The following CNTN5 variants were observed in gnomAD, a reference collection of about 807,000 sequenced individuals.
The protein encoded by CNTN5 is contactin 5.
A neutral mutation model predicts 129.1 loss-of-function variants in CNTN5; 77 were observed. The ratio of observed to expected loss-of-function variants is 0.60; its 90% CI spans 0.50 to 0.72. CNTN5 has a LOEUF of 0.72. Ranked by LOEUF, CNTN5 falls within the 30% of genes least tolerant of loss-of-function variation. The pLI is 0.00. For synonymous variants in CNTN5, 509 were observed against 465.6 expected (o/e 1.09, Z -1.20); for missense variants, 1,478 against 1,328.8 (o/e 1.11, Z -1.75).
intron 1 of CNTN5, among the ~76,000 whole-genome samples, chr11:99,036,510 T>C (rs1863742099): frequency 6.6e-6 from 1 of 152,194 alleles, no homozygotes; most frequent in African/African-American, 2.4e-5. Context: ...CCTAAAATTA[T>C]CTATCAATTT....
chr11:99,526,561 C>A (rs912069193), intron 2 of CNTN5, among the ~76,000 whole-genome samples: 1 of 152,142 alleles, frequency 6.6e-6, no homozygotes, highest in African/African-American at 2.4e-5. Flanking sequence ...GCAAATCTTC[C>A]TAGGTTGGAG....
intron 6 of CNTN5, among the ~76,000 whole-genome samples, chr11:99,866,399 T>C (rs1388656428): frequency 3.9e-5 from 6 of 152,206 alleles, no homozygotes; most frequent in Admixed American, 1.3e-4. Context: ...TGGAACATTA[T>C]TAGATACTTA....
At chr11:99,974,338 T>C (rs1159482265) in intron 8 of CNTN5, among the ~76,000 whole-genome samples, 1 of 152,184 alleles carries the variant, frequency 6.6e-6, no homozygotes, top group African/African-American at 2.4e-5. Flanking sequence ...CACAAGGTCA[T>C]AGTTGGTGAG....
At chr11:99,163,033 C>A (rs903704542) in intron 1 of CNTN5, among the ~76,000 whole-genome samples, 1 of 152,138 alleles carries the variant, frequency 6.6e-6, no homozygotes, top group Non-Finnish European at 1.5e-5. Context: ...ACCGAAGTTG[C>A]CTTTTCAGAA....
rs934601314 is a variant in CNTN5, at chr11:100,355,413, C to G, written c.3200-704C>G. Among the ~76,000 whole-genome samples the G allele has an allele frequency of 4.0e-5, 6 of 151,758 alleles. No individual in the cohort carries two copies. In the South Asian group the frequency reaches 1.2e-3, roughly 31 times the overall value. On this transcript the variant is annotated intron_variant, in intron 24 of 24. Coordinates refer to ENST00000524871, the MANE Select transcript of CNTN5 (RefSeq NM_014361.4). Reference sequence around the variant, plus strand: ...TCTGGAAGCCCTTCTGAAGGACATGCCTGAAGTTGTTTTACAGTTAACTGT... The same window carrying G: ...TCTGGAAGCCCTTCTGAAGGACATGGCTGAAGTTGTTTTACAGTTAACTGT...
intron 1 of CNTN5, among the ~76,000 whole-genome samples, chr11:99,276,001 C>T (rs73000250): frequency 0.14 from 20,933 of 151,570 alleles, 1,573 homozygotes; most frequent in South Asian, 0.24. Context: ...CTCTTCTCTG[C>T]CCCACTCTTT....
chr11:99,065,476 T>C, intron 1 of CNTN5, among the ~76,000 whole-genome samples: 1 of 152,174 alleles, frequency 6.6e-6, no homozygotes, highest in East Asian at 1.9e-4. Context: ...AAACCATCAA[T>C]AAATTGTAGA....
At chr11:99,987,882 G>A (rs956603034) in intron 8 of CNTN5, among the ~76,000 whole-genome samples, 6 of 152,108 alleles carry the variant, frequency 3.9e-5, no homozygotes, top group South Asian at 4.2e-4. Context: ...AGGGACTATC[G>A]TATCTACCTT....
rs186253122 is a variant in CNTN5 at position 99,902,555 on chromosome 11, G to A, written c.578-13499G>A. 5.6e-3 allele frequency among the ~76,000 whole-genome samples: 853 copies of A among 152,160 alleles called. 4 individuals are homozygous for A. The highest frequency in any genetic ancestry group is 7.9e-3 in the Non-Finnish European group (538 of 68,000). ...TCTGGAACTGTTTTCTTACACTTCA[G>A]TGCAAAAGAGCTAGAGCAACAACAA... On this transcript the variant is annotated intron_variant, in intron 6 of 24. Transcript: ENST00000524871.
intron 15 of CNTN5, 77 bp downstream of exon 15, chr11:100,193,740 T>C: frequency 8.0e-7 from 1 of 1,242,780 alleles, no homozygotes; most frequent in Non-Finnish European, 1.1e-6. Context: ...CTTGCTTAGC[T>C]ATGAAGTGCT....
intron 6 of CNTN5, among the ~76,000 whole-genome samples, chr11:99,892,564 C>A (rs1338895004): frequency 6.6e-6 from 1 of 152,148 alleles, no homozygotes; most frequent in African/African-American, 2.4e-5. Flanking sequence ...GTTTTCCCAA[C>A]ACATTTTTTA....
chr11:99,848,493 TA>T (rs1353833829), intron 6 of CNTN5, among the ~76,000 whole-genome samples: 5 of 152,168 alleles, frequency 3.3e-5, no homozygotes, highest in Non-Finnish European at 7.4e-5. Context: ...AGATAATGAT[TA>T]AAGCATATTT....
intron 2 of CNTN5, among the ~76,000 whole-genome samples, chr11:99,446,190 C>G (rs1944064208): frequency 6.6e-6 from 1 of 151,492 alleles, no homozygotes; most frequent in African/African-American, 2.4e-5. Flanking sequence ...CTCTGCCTCT[C>G]AGATTGCTCT....
At chr11:99,170,335 C>A (rs764109409) in intron 1 of CNTN5, among the ~76,000 whole-genome samples, 1 of 152,118 alleles carries the variant, frequency 6.6e-6, no homozygotes, top group Non-Finnish European at 1.5e-5. Context: ...AGGTCGCAGT[C>A]AGATGTGTAC....
chr11:99,701,241 T>C (rs1954505916), intron 3 of CNTN5, among the ~76,000 whole-genome samples: 1 of 151,092 alleles, frequency 6.6e-6, no homozygotes, highest in South Asian at 2.1e-4. Flanking sequence ...CATAAGGAAA[T>C]AGGGACTAGA....
At chr11:99,990,521 T>C (rs1310057816) in intron 8 of CNTN5, among the ~76,000 whole-genome samples, 1 of 151,322 alleles carries the variant, frequency 6.6e-6, no homozygotes, top group Non-Finnish European at 1.5e-5. Context: ...CTCCTAATGA[T>C]AAAACTCTCT....
At chr11:99,740,230 C>G (rs1019832887) in intron 3 of CNTN5, among the ~76,000 whole-genome samples, 1 of 151,992 alleles carries the variant, frequency 6.6e-6, no homozygotes, top group Non-Finnish European at 1.5e-5. Context: ...GCTTTTCCTT[C>G]TCTAAAGGGG....
intron 8 of CNTN5, among the ~76,000 whole-genome samples, chr11:99,968,656 C>CTTTTTTTTTTTTTTTTTTTTTT (rs71050037): frequency 2.7e-5 from 2 of 73,870 alleles, no homozygotes; most frequent in Non-Finnish European, 4.9e-5. Context: ...GCTTTGGGTA[C>CTTTTTTTTTTTTTTTTTTTTTT]TTTTTTTTTT....
chr11:99,993,185 C>A (rs1939228600), intron 8 of CNTN5, among the ~76,000 whole-genome samples: 1 of 152,150 alleles, frequency 6.6e-6, no homozygotes, highest in Non-Finnish European at 1.5e-5. Context: ...GTCAGACAGT[C>A]AGTGATTAAT....
Sources: allele counts gnomAD v4.1 joint callset (sites outside exome capture counted in the v4.1 genomes callset), GRCh38; gene constraint gnomAD v4.1.1; transcripts MANE v1.5; gene names NCBI Gene and HGNC (gene_info 2026-07-23, HGNC 2026-07-21).